The following STARD10 variants were observed in gnomAD, a reference collection of about 807,000 sequenced individuals.
The protein encoded by STARD10 is START domain-containing protein 10.
STARD10 carries 24 observed loss-of-function variants against 36.0 expected under a neutral mutation model. The observed-to-expected ratio is 0.67, with a 90% CI of 0.48 to 0.94. STARD10 has a LOEUF of 0.94. STARD10 is among the 40% of genes least tolerant of loss of function. The pLI, the probability that STARD10 is intolerant of heterozygous loss-of-function variation, is 0.00. For missense variants in STARD10, 335 were observed against 396.6 expected, an observed-to-expected ratio of 0.84 and a Z score of 1.32; for synonymous variants, 156 against 161.9, an observed-to-expected ratio of 0.96 and a Z score of 0.28.
chr11:72,756,360 G>C (rs1056203662), intron 5 of STARD10, among the ~76,000 whole-genome samples: 3 of 152,124 alleles, frequency 2.0e-5, no homozygotes, highest in African/African-American at 4.8e-5. Context: ...GATGCTCAAG[G>C]CTTCCCCATC....
intron 1 of STARD10, among the ~76,000 whole-genome samples, chr11:72,790,627 T>C (rs1859131408): frequency 6.6e-6 from 1 of 152,238 alleles, no homozygotes; most frequent in Admixed American, 6.5e-5. Context: ...AGGAAGCTCA[T>C]GCACAACCCC....
Position 72,754,932 on chromosome 11 carries a change from CG to C in STARD10, c.840del (p.Gly281AlafsTer62), listed in dbSNP as rs773606974. On this transcript the variant is annotated frameshift_variant, in exon 7 of 7. Transcript: ENST00000334805. LOFTEE classifies it high-confidence loss of function. ...ESREERMGGA[G>X]GEGSDDDTSL... ...GAGGTGTCGTCGTCGCTGCCCTCGCCGCCCGCGCCGCCCATCCGCTCCTCTC... is the reference window on the plus strand; with the variant it reads ...GAGGTGTCGTCGTCGCTGCCCTCGCCCCCGCGCCGCCCATCCGCTCCTCTC... 1.2e-6 allele frequency: 2 copies of C among 1,600,546 alleles called. No individual in the cohort carries two copies. Among genetic ancestry groups the C allele is most frequent in the East Asian group, 4.5e-5 (2 of 44,460 alleles).
chr11:72,785,958 G>C (rs897127167), intron 1 of STARD10: 4 of 152,314 alleles, frequency 2.6e-5, no homozygotes, highest in Admixed American at 1.3e-4. Flanking sequence ...GTTGTGCAGG[G>C]CAACAAGGCA....
chr11:72,773,630 G>C (rs1190667139), intron 2 of STARD10, among the ~76,000 whole-genome samples: 1 of 152,208 alleles, frequency 6.6e-6, no homozygotes, highest in Non-Finnish European at 1.5e-5. Flanking sequence ...TAGGAAGGGG[G>C]GAGATGGGAA....
intron 1 of STARD10, among the ~76,000 whole-genome samples, chr11:72,792,318 G>C (rs552562426): frequency 6.6e-6 from 1 of 152,184 alleles, no homozygotes. Context: ...GCCTCCCAAA[G>C]TGCTGAGATT....
At chr11:72,755,334 G>GTCTCA in intron 6 of STARD10, 192 bp from the exon 7 acceptor site, 1 of 527,148 alleles carries the variant, frequency 1.9e-6, no homozygotes, top group Non-Finnish European at 3.0e-6. Flanking sequence ...TTTTTGAGAC[G>GTCTCA]GAATCTCACT....
Position 72,757,779 on chromosome 11 carries a change from C to T in STARD10, c.565G>A (p.Val189Met), listed in dbSNP as rs368273576. 5.8e-5 allele frequency: 93 copies of T among 1,613,936 alleles called. No homozygotes were observed. Among genetic ancestry groups the T allele is most frequent in the Non-Finnish European group, 7.6e-5 (90 of 1,180,000 alleles). The change falls in exon 5 of 7, where the codon GTG becomes ATG. Residue 189 changes from valine (V) to methionine (M), a missense_variant. Coordinates refer to ENST00000334805, the MANE Select transcript of STARD10 (RefSeq NM_006645.3). ...KSCVITYLAQVDPKGSLPKWV... is the reference protein window; with the variant it reads ...KSCVITYLAQMDPKGSLPKWV... ...GCCAAGCCCTCACCTTTGGGGTCCACCTGGGCCAGGTAGGTGATGACGCAG... is the reference window on the plus strand; with the variant it reads ...GCCAAGCCCTCACCTTTGGGGTCCATCTGGGCCAGGTAGGTGATGACGCAG...
chr11:72,783,355 C>A (rs1320997813), intron 1 of STARD10, among the ~76,000 whole-genome samples: 1 of 152,134 alleles, frequency 6.6e-6, no homozygotes, highest in African/African-American at 2.4e-5. Flanking sequence ...GTGTGGGAGG[C>A]ACAGTCAGAT....
Position 72,754,893 on chromosome 11 carries a change from G to T in STARD10, c.*4C>A. ...CTGTCTCCGTCCCTGAAGCGGTGCG[G>T]CGCTCAGGTGAGCGAGGTGTCGTCG... is the stretch of plus-strand genomic sequence containing the variant. On this transcript the variant is annotated 3_prime_UTR_variant, in exon 7 of 7. Transcript: ENST00000334805. 6.3e-7 allele frequency: 1 copy of T among 1,596,446 alleles called. No individual in the cohort carries two copies. Among genetic ancestry groups the T allele is most frequent in the Non-Finnish European group, 8.5e-7 (1 of 1,177,734 alleles).
chr11:72,771,054 T>A (rs1339149778), intron 2 of STARD10, among the ~76,000 whole-genome samples: 1 of 152,216 alleles, frequency 6.6e-6, no homozygotes, highest in African/African-American at 2.4e-5. Context: ...CTGAATTCTA[T>A]CCTCTCAACT....
intron 2 of STARD10, among the ~76,000 whole-genome samples, chr11:72,761,148 A>T (rs1858710668): frequency 1.3e-5 from 2 of 152,216 alleles, no homozygotes; most frequent in African/African-American, 4.8e-5. Context: ...GTTTACAGAA[A>T]ATACAGAGGA....
rs1004295880 is a variant in STARD10 at position 72,771,322 on chromosome 11, G to C, written c.207+9653C>G. 3.9e-5 allele frequency among the ~76,000 whole-genome samples: 6 copies of C among 152,270 alleles called. No individual in the cohort carries two copies. The East Asian group carries it at 1.2e-3, about 29-fold the overall frequency. ...TGGAGTTCAGGGGATGTTGGGGCTG[G>C]CTTGCCTAGAGCTGGCATGGGGGTT... On this transcript the variant is annotated intron_variant, in intron 2 of 6. Transcript: ENST00000334805.
intron 2 of STARD10, among the ~76,000 whole-genome samples, chr11:72,772,053 G>A (rs1858865798): frequency 6.6e-6 from 1 of 152,204 alleles, no homozygotes; most frequent in Non-Finnish European, 1.5e-5. Flanking sequence ...AGCCCCCAGA[G>A]CACCACACCC....
rs142387955 is a variant in STARD10 at position 72,757,641 on chromosome 11, G to A, written c.577+126C>T. On this transcript the variant is annotated intron_variant, in intron 5 of 6. Coordinates refer to ENST00000334805, the MANE Select transcript of STARD10 (RefSeq NM_006645.3). ...AAGCCTTGGTTCAAGGAAGGCTTTGGATGGAAATGCCCCAAAATGCAAAAC... is the reference window on the plus strand; with the variant it reads ...AAGCCTTGGTTCAAGGAAGGCTTTGAATGGAAATGCCCCAAAATGCAAAAC... 4.0e-4 allele frequency: 329 copies of A among 819,430 alleles called. 5 individuals carry two copies. In the East Asian group the frequency reaches 8.4e-3, roughly 21 times the overall value. The allele number at this position is 819,430 out of a possible 1,614,324, so 50.8% of individuals were successfully genotyped here. A position where few individuals can be genotyped will look rare whatever the true frequency, so the allele number is the denominator to read the frequency against.
intron 2 of STARD10, chr11:72,780,485 G>C (rs1338425884): frequency 4.8e-6 from 2 of 415,522 alleles, no homozygotes; most frequent in African/African-American, 2.0e-5. Context: ...GGAAGGGAAA[G>C]AGCAAGAGCA....
At chr11:72,771,434 C>T (rs953286723) in intron 2 of STARD10, among the ~76,000 whole-genome samples, 8 of 152,126 alleles carry the variant, frequency 5.3e-5, no homozygotes, top group Non-Finnish European at 1.0e-4. Flanking sequence ...TGCAAAATGA[C>T]CAGGCAATCC....
intron 2 of STARD10, among the ~76,000 whole-genome samples, chr11:72,771,614 C>T (rs1672728465): frequency 6.6e-6 from 1 of 152,160 alleles, no homozygotes; most frequent in Non-Finnish European, 1.5e-5. Context: ...CGCCGCTCTC[C>T]ATGCAGGGCT....
chr11:72,763,631 G>C, intron 2 of STARD10, among the ~76,000 whole-genome samples: 1 of 152,188 alleles, frequency 6.6e-6, no homozygotes, highest in East Asian at 1.9e-4. Flanking sequence ...GATCATGACA[G>C]TCACAGAGAG....
intron 1 of STARD10, among the ~76,000 whole-genome samples, chr11:72,787,333 C>A (rs1197962830): frequency 6.6e-6 from 1 of 152,150 alleles, no homozygotes; most frequent in African/African-American, 2.4e-5. Context: ...CTCGCAGGGG[C>A]CGTTGCCTCC....
Sources: gnomAD v4.1 joint callset for allele counts (sites outside exome capture counted in the v4.1 genomes callset) on GRCh38, gnomAD v4.1.1 for gene constraint, MANE v1.5 for transcripts, NCBI Gene and HGNC (gene_info 2026-07-23, HGNC 2026-07-21) for gene names.